Variants in JAZF1 observed in about 807,000 individuals in gnomAD.
The protein encoded by JAZF1 is juxtaposed with another zinc finger protein 1.
JAZF1 carries 8 observed loss-of-function variants against 26.4 expected under a neutral mutation model. That is an observed-to-expected ratio of 0.30 (90% confidence interval 0.18 to 0.55). The LOEUF is 0.55. Among genes scored for constraint, JAZF1 ranks in the 20% least tolerant of loss-of-function variants. JAZF1 has a pLI of 0.94. For synonymous variants in JAZF1, 126 were observed against 122.3 expected, an observed-to-expected ratio of 1.03 and a Z score of -0.20; for missense variants, 199 against 322.0, an observed-to-expected ratio of 0.62 and a Z score of 2.92.
intron 1 of JAZF1, among the ~76,000 whole-genome samples, chr7:28,108,807 T>C (rs1208367230): frequency 6.6e-6 from 1 of 152,156 alleles, no homozygotes; most frequent in Non-Finnish European, 1.5e-5. Context: ...AACCTAAGTG[T>C]CCATCGATGG....
Position 28,016,072 on chromosome 7 carries a change from C to T in JAZF1, c.116-24091G>A, listed in dbSNP as rs1123858. Among the ~76,000 whole-genome samples the T allele has an allele frequency of 0.025, 3,774 of 152,266 alleles. 298 individuals carry two copies. The East Asian group carries it at 0.31, about 13-fold the overall frequency. ...AGGGCACTATAGAGCCTCTGAGCCC[C>T]GCAGGAGTGAACTGCATGCTGAAAG... is the stretch of plus-strand genomic sequence containing the variant. On this transcript the variant is annotated intron_variant, in intron 1 of 4. Transcript: ENST00000283928.
intron 1 of JAZF1, among the ~76,000 whole-genome samples, chr7:28,119,520 T>C (rs1175028485): frequency 6.6e-6 from 1 of 152,116 alleles, no homozygotes; most frequent in African/African-American, 2.4e-5. Context: ...GTCCTTTTTG[T>C]TTCCAATGCC....
chr7:28,090,581 T>C (rs1042075423), intron 1 of JAZF1, among the ~76,000 whole-genome samples: 4 of 152,206 alleles, frequency 2.6e-5, no homozygotes, highest in Non-Finnish European at 5.9e-5. Flanking sequence ...GTTTAAAATA[T>C]CTCCTTTGAG....
chr7:27,852,333 C>T (rs933267931), intron 3 of JAZF1, among the ~76,000 whole-genome samples: 1 of 151,978 alleles, frequency 6.6e-6, no homozygotes, highest in African/African-American at 2.4e-5. Flanking sequence ...GGGGTTTTAC[C>T]ACGTTGGCCA....
intron 2 of JAZF1, chr7:27,914,933 AT>A (rs1784420471): frequency 2.4e-6 from 1 of 419,062 alleles, no homozygotes; most frequent in Non-Finnish European, 4.9e-6. Flanking sequence ...CATTTACTTT[AT>A]GTAAAGGATT....
intron 3 of JAZF1, among the ~76,000 whole-genome samples, chr7:27,864,515 G>A (rs189929434): frequency 1.3e-3 from 199 of 152,274 alleles, no homozygotes; most frequent in East Asian, 1.2e-3. Context: ...CCGGCTCAGA[G>A]CCTACTGCCC....
At chr7:27,865,551 G>GA (rs1295201879) in intron 3 of JAZF1, among the ~76,000 whole-genome samples, 4 of 152,104 alleles carry the variant, frequency 2.6e-5, no homozygotes, top group Non-Finnish European at 5.9e-5. Flanking sequence ...ATTTAACCCA[G>GA]AAAAAACATA....
chr7:27,845,711 A>G lies in JAZF1; in HGVS notation c.386-4844T>C, dbSNP rs113586063. Among the ~76,000 whole-genome samples the G allele has an allele frequency of 8.7e-3, 1,191 of 137,674 alleles. 41 individuals carry two copies. Among genetic ancestry groups the G allele is most frequent in the African/African-American group, 0.031 (1,113 of 35,462 alleles). 90.3% of individuals were successfully genotyped at this position (137,674 alleles called of 152,430 possible). On this transcript the variant is annotated intron_variant, in intron 3 of 4. Transcript: ENST00000283928. ...GACTCTGCCTCAAAAAAAAAAAAAA[A>G]AAAGAAAAGAAAAAGAAAAAGAAAT... is the stretch of plus-strand genomic sequence containing the variant.
At chr7:27,893,726 C>T (rs1784013210) in intron 3 of JAZF1, among the ~76,000 whole-genome samples, 1 of 152,194 alleles carries the variant, frequency 6.6e-6, no homozygotes, top group Non-Finnish European at 1.5e-5. Flanking sequence ...GGTCTATACT[C>T]CCACTGGGGG....
At chr7:28,094,763 T>C (rs1418913273) in intron 1 of JAZF1, among the ~76,000 whole-genome samples, 1 of 152,130 alleles carries the variant, frequency 6.6e-6, no homozygotes, top group East Asian at 1.9e-4. Context: ...TAAAAATTAT[T>C]ATTTTTTATT....
intron 1 of JAZF1, among the ~76,000 whole-genome samples, chr7:28,046,206 C>T (rs548009448): frequency 6.6e-6 from 1 of 152,256 alleles, no homozygotes; most frequent in East Asian, 1.9e-4. Context: ...CCTTTAGGAG[C>T]CAAGTACTAC....
intron 1 of JAZF1, among the ~76,000 whole-genome samples, chr7:28,084,813 T>A (rs1784188818): frequency 6.6e-6 from 1 of 152,232 alleles, no homozygotes; most frequent in Admixed American, 6.5e-5. Context: ...TGAATGTTTA[T>A]CCTCTCCAAA....
intron 1 of JAZF1, among the ~76,000 whole-genome samples, chr7:28,035,145 C>T (rs1783263826): frequency 6.6e-6 from 1 of 151,454 alleles, no homozygotes; most frequent in Non-Finnish European, 1.5e-5. Flanking sequence ...GGTGAAACCT[C>T]ATCTCTACTA....
chr7:28,110,855 CT>C (rs1784650706), intron 1 of JAZF1, among the ~76,000 whole-genome samples: 1 of 152,140 alleles, frequency 6.6e-6, no homozygotes, highest in African/African-American at 2.4e-5. Flanking sequence ...CACTCGCAAC[CT>C]GGGAGCCTTG....
At chr7:27,871,248 A>T (rs1223386438) in intron 3 of JAZF1, among the ~76,000 whole-genome samples, 2 of 152,254 alleles carry the variant, frequency 1.3e-5, no homozygotes, top group Non-Finnish European at 2.9e-5. Flanking sequence ...ATCTAGAGAC[A>T]TACAGGTCAA....
intron 2 of JAZF1, among the ~76,000 whole-genome samples, chr7:27,900,962 C>A: frequency 6.6e-6 from 1 of 151,110 alleles, no homozygotes. Flanking sequence ...TTTGATGTTT[C>A]CTGTGTAAAA....
At chr7:28,094,567 G>C (rs1252297859) in intron 1 of JAZF1, among the ~76,000 whole-genome samples, 1 of 152,036 alleles carries the variant, frequency 6.6e-6, no homozygotes, top group African/African-American at 2.4e-5. Context: ...TCTCCAAACT[G>C]TCATCTGCTG....
chr7:27,956,138 G>C (rs2128355978), intron 2 of JAZF1, among the ~76,000 whole-genome samples: 1 of 152,298 alleles, frequency 6.6e-6, no homozygotes. Context: ...GGGTGTAGCA[G>C]ATCTTAAAGG....
At chr7:28,095,322 T>A (rs77566406) in intron 1 of JAZF1, among the ~76,000 whole-genome samples, 1 of 152,110 alleles carries the variant, frequency 6.6e-6, no homozygotes. Context: ...CAGTTCAGCA[T>A]TATCGGGGAG....
Sources: allele counts gnomAD v4.1 joint callset (sites outside exome capture counted in the v4.1 genomes callset), GRCh38; gene constraint gnomAD v4.1.1; transcripts MANE v1.5; gene names NCBI Gene and HGNC (gene_info 2026-07-23, HGNC 2026-07-21).